PPFIA2: variants seen among roughly 807,000 people sequenced by gnomAD.
PPFIA2 encodes the protein liprin-alpha-2.
A neutral mutation model predicts 175.5 loss-of-function variants in PPFIA2; 46 were observed. The observed-to-expected ratio is 0.26, with a 90% CI of 0.21 to 0.34. PPFIA2 has a LOEUF of 0.34. Among genes scored for constraint, PPFIA2 ranks in the 10% least tolerant of loss-of-function variants. The probability of loss-of-function intolerance (pLI) is 1.00; values close to 1 mark genes in which losing one functional copy is unlikely to be tolerated. For missense variants in PPFIA2, 1,179 were observed against 1,506.1 expected (o/e 0.78, Z 3.60); for synonymous variants, 568 against 511.4 (o/e 1.11, Z -1.49).
intron 4 of PPFIA2, among the ~76,000 whole-genome samples, chr12:81,622,369 T>C (rs944615401): frequency 1.3e-5 from 2 of 152,122 alleles, no homozygotes; most frequent in Non-Finnish European, 2.9e-5. Flanking sequence ...ATAAGGAAAA[T>C]GATATAGCTT....
chr12:81,315,007 G>T lies in PPFIA2; in HGVS notation c.2642+10770C>A, dbSNP rs750711723. 2.6e-5 allele frequency among the ~76,000 whole-genome samples: 4 copies of T among 151,748 alleles called. No homozygotes were observed. The East Asian group carries it at 7.7e-4, about 29-fold the overall frequency. On this transcript the variant is annotated intron_variant, in intron 22 of 32. Transcript: ENST00000549396. ...ATGGAAAGGGATGATCTGAGTAAAA[G>T]AATAGCCTAGTTTTCTACAATAAGA...
At chr12:81,482,056 C>T (rs544247317) in intron 4 of PPFIA2, among the ~76,000 whole-genome samples, 4 of 152,034 alleles carry the variant, frequency 2.6e-5, no homozygotes, top group African/African-American at 9.6e-5. Flanking sequence ...AAAGAAACAA[C>T]CCCATCAAAA....
chr12:81,284,800 C>A (rs976014301), intron 24 of PPFIA2, among the ~76,000 whole-genome samples: 3 of 152,118 alleles, frequency 2.0e-5, no homozygotes, highest in African/African-American at 2.4e-5. Flanking sequence ...AAGCGGGAAG[C>A]ATTATCGTAA....
At chr12:81,288,353 A>G (rs1426347185) in intron 24 of PPFIA2, among the ~76,000 whole-genome samples, 1 of 151,838 alleles carries the variant, frequency 6.6e-6, no homozygotes, top group Admixed American at 6.6e-5. Context: ...GCCTCTTTAA[A>G]TTTTATGCTT....
At chr12:81,628,622 A>G (rs192752651) in intron 4 of PPFIA2, among the ~76,000 whole-genome samples, 1 of 152,072 alleles carries the variant, frequency 6.6e-6, no homozygotes, top group African/African-American at 2.4e-5. Context: ...CAAGTGTTCC[A>G]TTTGTCTTGG....
Position 81,259,333 on chromosome 12 carries a change from T to C in PPFIA2, c.*361A>G, listed in dbSNP as rs2034610903. The C allele has an allele frequency of 2.0e-6, 1 of 495,088 alleles. No homozygotes were observed. The allele number at this position is 495,088 out of a possible 1,614,324, so 30.7% of individuals were successfully genotyped here. A position where few individuals can be genotyped will look rare whatever the true frequency, so the allele number is the denominator to read the frequency against. ...TATCCATTTACATAAGACTTACACA[T>C]TTAAAAAGAAATGCACGGTAATACA... On this transcript the variant is annotated 3_prime_UTR_variant, in exon 33 of 33. Transcript: ENST00000549396.
chr12:81,386,893 T>C (rs2039096435), intron 8 of PPFIA2, among the ~76,000 whole-genome samples: 1 of 152,166 alleles, frequency 6.6e-6, no homozygotes, highest in Admixed American at 6.6e-5. Context: ...CAAATTTTTT[T>C]AATATGCAAT....
intron 24 of PPFIA2, among the ~76,000 whole-genome samples, chr12:81,293,446 C>T (rs1017454970): frequency 6.6e-6 from 1 of 151,708 alleles, no homozygotes; most frequent in African/African-American, 2.4e-5. Flanking sequence ...ATCTGTAAAA[C>T]GTCAAACTCA....
At chr12:81,697,799 T>C (rs1047080261) in intron 3 of PPFIA2, among the ~76,000 whole-genome samples, 7 of 152,150 alleles carry the variant, frequency 4.6e-5, no homozygotes, top group African/African-American at 1.7e-4. Context: ...CTGCATATGA[T>C]AGGCTCTCTC....
chr12:81,327,637 A>AT (rs1299921485), intron 21 of PPFIA2, among the ~76,000 whole-genome samples: 1 of 152,106 alleles, frequency 6.6e-6, no homozygotes, highest in Non-Finnish European at 1.5e-5. Flanking sequence ...ACAAGGAAAG[A>AT]TTTTCAACCA....
intron 3 of PPFIA2, among the ~76,000 whole-genome samples, chr12:81,686,506 A>G (rs1398876008): frequency 6.6e-6 from 1 of 151,940 alleles, no homozygotes; most frequent in Non-Finnish European, 1.5e-5. Context: ...TCCTTTCCAT[A>G]TGGCTGAGGC....
At chr12:81,607,864 CT>C (rs2060488954) in intron 4 of PPFIA2, among the ~76,000 whole-genome samples, 1 of 152,058 alleles carries the variant, frequency 6.6e-6, no homozygotes, top group African/African-American at 2.4e-5. Flanking sequence ...ACATCTTTGT[CT>C]GGTTCCATTT....
intron 4 of PPFIA2, among the ~76,000 whole-genome samples, chr12:81,489,513 A>C (rs2059200832): frequency 6.6e-6 from 1 of 151,866 alleles, no homozygotes; most frequent in African/African-American, 2.4e-5. Flanking sequence ...CTGGGAGAAA[A>C]AGAATGTAGT....
chr12:81,409,719 T>C (rs368687452), intron 7 of PPFIA2, among the ~76,000 whole-genome samples: 1 of 152,124 alleles, frequency 6.6e-6, no homozygotes, highest in East Asian at 1.9e-4. Flanking sequence ...CCAAATATGA[T>C]TACATGTTGA....
At chr12:81,596,127 A>G (rs1166267240) in intron 4 of PPFIA2, among the ~76,000 whole-genome samples, 2 of 152,100 alleles carry the variant, frequency 1.3e-5, no homozygotes, top group East Asian at 3.8e-4. Flanking sequence ...GGGTTAATGT[A>G]TATAGGTAAG....
intron 23 of PPFIA2, chr12:81,296,854 C>G (rs182690165): frequency 6.6e-6 from 1 of 151,948 alleles, no homozygotes; most frequent in African/African-American, 2.4e-5. Flanking sequence ...TTCTCTCTAC[C>G]TCCTGATATC....
intron 4 of PPFIA2, among the ~76,000 whole-genome samples, chr12:81,663,587 C>A (rs959837696): frequency 1.3e-5 from 2 of 152,068 alleles, no homozygotes; most frequent in Non-Finnish European, 2.9e-5. Flanking sequence ...TAGGAAGAAT[C>A]AATATCATGA....
chr12:81,296,369 T>C (rs550344080), intron 23 of PPFIA2, among the ~76,000 whole-genome samples: 1 of 152,296 alleles, frequency 6.6e-6, no homozygotes, highest in East Asian at 1.9e-4. Context: ...GCTGTGAGAC[T>C]CTTGAAAGAC....
At chr12:81,355,083 G>A (rs10862297) in intron 16 of PPFIA2, among the ~76,000 whole-genome samples, 39,013 of 151,994 alleles carry the variant, frequency 0.26, 7,117 homozygotes, top group African/African-American at 0.49. Flanking sequence ...TTATAGCCCT[G>A]TGAAATGTAT....
Sources: gnomAD v4.1 joint callset for allele counts (sites outside exome capture counted in the v4.1 genomes callset) on GRCh38, gnomAD v4.1.1 for gene constraint, MANE v1.5 for transcripts, NCBI Gene and HGNC (gene_info 2026-07-23, HGNC 2026-07-21) for gene names.